The following POC5 variants were observed in gnomAD, a reference collection of about 807,000 sequenced individuals.
POC5 encodes POC5 centriolar protein.
POC5 carries 48 observed loss-of-function variants against 62.9 expected under a neutral mutation model. That is an observed-to-expected ratio of 0.76 (90% CI 0.61 to 0.97). POC5 has a LOEUF of 0.97. Ranked by LOEUF, POC5 falls within the 50% of genes least tolerant of loss-of-function variation. The pLI is 0.00. For missense variants in POC5, 696 were observed against 679.5 expected, an observed-to-expected ratio of 1.02 and a Z score of -0.27; for synonymous variants, 236 against 228.2, an observed-to-expected ratio of 1.03 and a Z score of -0.31.
rs759007593 is a variant in POC5, at chr5:75,685,442, C to T, written c.1172G>A (p.Gly391Asp). The change falls in exon 10 of 12, where the codon GGT (glycine) becomes GAT (aspartate). Residue 391 changes from glycine (G) to aspartate (D), a missense_variant. Transcript: ENST00000428202. Reference protein sequence around the residue: ...TNNKKEEYGPGVQGKEHSAHL... With the variant: ...TNNKKEEYGPDVQGKEHSAHL... The stretch of plus-strand genomic sequence containing the variant: ...AGCAGAATGTTCTTTTCCTTGAACA[C>T]CAGGACCATACTCTTCCTTTTTATT... 1 of 1,613,654 alleles carries T rather than the reference C, an allele frequency of 6.2e-7. No individual in the cohort carries two copies. Among genetic ancestry groups the T allele is most frequent in the Non-Finnish European group, 8.5e-7 (1 of 1,179,648 alleles).
At chr5:75,711,981 T>C (rs1378581141) in intron 2 of POC5, among the ~76,000 whole-genome samples, 1 of 152,208 alleles carries the variant, frequency 6.6e-6, no homozygotes, top group Non-Finnish European at 1.5e-5. Flanking sequence ...GAGGACTACA[T>C]GGGACAGGTA....
intron 10 of POC5, among the ~76,000 whole-genome samples, chr5:75,683,561 T>C (rs1775954187): frequency 6.6e-6 from 1 of 152,082 alleles, no homozygotes; most frequent in African/African-American, 2.4e-5. Flanking sequence ...TAATCACTGC[T>C]AGCTCTGCAC....
chr5:75,699,924 A>G, intron 5 of POC5, among the ~76,000 whole-genome samples: 1 of 151,872 alleles, frequency 6.6e-6, no homozygotes, highest in Non-Finnish European at 1.5e-5. Context: ...TACATCAACA[A>G]CAGACAAACA....
chr5:75,690,323 T>G, intron 8 of POC5, 60 bp downstream of exon 8: 2 of 1,409,842 alleles, frequency 1.4e-6, no homozygotes, highest in Non-Finnish European at 1.9e-6. Context: ...TAATTAATAG[T>G]GAGTCTATCT....
At chr5:75,699,268 A>C (rs1249958158) in intron 5 of POC5, among the ~76,000 whole-genome samples, 7 of 152,138 alleles carry the variant, frequency 4.6e-5, no homozygotes, top group Non-Finnish European at 1.0e-4. Context: ...ACAACCAAAA[A>C]AGAGAATTTT....
rs1157219390 is a variant in POC5, at chr5:75,694,697, C to T, written c.648G>A (p.Glu216=). The T allele has an allele frequency of 1.3e-6, 2 of 1,577,050 alleles. No individual in the cohort carries two copies. Among genetic ancestry groups the T allele is most frequent in the East Asian group, 4.6e-5 (2 of 43,758 alleles). Residue 216 remains glutamate (E), a synonymous_variant, in exon 6 of 12, where the codon GAG becomes GAA. Transcript: ENST00000428202. The part of the protein sequence containing the change: ...QLCNQINELK[E]LQKTFEISIG... Reference sequence around the variant, plus strand: ...TGGAGATTTCAAAGGTTTTTTGCAGCTCCTTCAATTCATTGATCTGATTAC... The same window carrying T: ...TGGAGATTTCAAAGGTTTTTTGCAGTTCCTTCAATTCATTGATCTGATTAC...
intron 6 of POC5, among the ~76,000 whole-genome samples, chr5:75,693,492 T>C (rs1006278053): frequency 6.6e-6 from 1 of 152,128 alleles, no homozygotes; most frequent in Non-Finnish European, 1.5e-5. Context: ...TCCACTTTAC[T>C]CATTCTCATA....
intron 4 of POC5, among the ~76,000 whole-genome samples, chr5:75,703,109 T>A (rs1299865249): frequency 6.6e-6 from 1 of 152,234 alleles, no homozygotes. Flanking sequence ...ACTATCATCA[T>A]CTGTATCATA....
chr5:75,696,078 A>C (rs111647749), intron 5 of POC5: 100 of 153,818 alleles, frequency 6.5e-4, no homozygotes, highest in Admixed American at 1.1e-3. Context: ...ACGAAGTCTC[A>C]CTGATTACTA....
chr5:75,697,359 C>T lies in POC5; in HGVS notation c.514-2528G>A, dbSNP rs558625888. Among the ~76,000 whole-genome samples, 163 of 152,090 alleles carry T rather than the reference C, an allele frequency of 1.1e-3. 2 individuals carry two copies. The East Asian group carries it at 0.029, about 27-fold the overall frequency. The stretch of plus-strand genomic sequence containing the variant: ...CCCATCAGACTAACAGCTGATCTCT[C>T]AGCAGAAACTCTACAAGCCAGAAGA... On this transcript the variant is annotated intron_variant, in intron 5 of 11. Coordinates refer to ENST00000428202, the MANE Select transcript of POC5 (RefSeq NM_001099271.2).
intron 2 of POC5, 124 bp downstream of exon 2, chr5:75,712,730 T>A: frequency 1.3e-6 from 1 of 791,876 alleles, no homozygotes; most frequent in Admixed American, 2.8e-5. Flanking sequence ...AAGTTTGATA[T>A]TATTATAAAT....
At chr5:75,684,268 A>C (rs1775992901) in intron 10 of POC5, among the ~76,000 whole-genome samples, 1 of 152,038 alleles carries the variant, frequency 6.6e-6, no homozygotes, top group African/African-American at 2.4e-5. Flanking sequence ...TTAAATATAC[A>C]TTAACCTCCC....
intron 10 of POC5, 151 bp downstream of exon 10, chr5:75,685,056 A>C: frequency 2.5e-6 from 2 of 800,866 alleles, no homozygotes; most frequent in Non-Finnish European, 3.8e-6. Flanking sequence ...TTTAGTAGAG[A>C]CGGGGTTTCA....
intron 1 of POC5, among the ~76,000 whole-genome samples, chr5:75,714,765 G>C (rs1311691182): frequency 6.6e-6 from 1 of 152,076 alleles, no homozygotes; most frequent in Non-Finnish European, 1.5e-5. Context: ...GCAGTCTGTG[G>C]TCACACTGGC....
chr5:75,708,459 AT>A (rs1270267283), intron 2 of POC5, among the ~76,000 whole-genome samples: 1 of 152,244 alleles, frequency 6.6e-6, no homozygotes, highest in African/African-American at 2.4e-5. Context: ...TTAATTGAAG[AT>A]GAGACATGCT....
chr5:75,706,743 G>A (rs1777137491), intron 3 of POC5, among the ~76,000 whole-genome samples: 1 of 151,948 alleles, frequency 6.6e-6, no homozygotes, highest in Non-Finnish European at 1.5e-5. Flanking sequence ...TAGAGCTAGG[G>A]TTTTGCTATG....
rs1232644579 is a variant in POC5, at chr5:75,714,223, T to C, written c.-14-1272A>G. On this transcript the variant is annotated intron_variant, in intron 1 of 11. Transcript: ENST00000428202. ...GGCGAAACCCTGTCTCTATTAAAAA[T>C]ACAAAACAATTAGCCGAGCCTGGTG... Among the ~76,000 whole-genome samples, 90 of 152,014 alleles carry C rather than the reference T, an allele frequency of 5.9e-4. 1 individual carries two copies. The highest frequency in any genetic ancestry group is 5.9e-3 in the Admixed American group (90 of 15,270).
chr5:75,714,960 A>G (rs187631199), intron 1 of POC5, among the ~76,000 whole-genome samples: 5 of 152,304 alleles, frequency 3.3e-5, no homozygotes, highest in Admixed American at 3.3e-4. Flanking sequence ...TAAAAAAGGA[A>G]TGTGAGAAAA....
chr5:75,691,410 A>G (rs1489298680), intron 7 of POC5, among the ~76,000 whole-genome samples: 3 of 152,206 alleles, frequency 2.0e-5, no homozygotes, highest in Non-Finnish European at 4.4e-5. Flanking sequence ...GCATGACACC[A>G]CAAGTGAAAA....
Sources: allele counts gnomAD v4.1 joint callset (sites outside exome capture counted in the v4.1 genomes callset), GRCh38; gene constraint gnomAD v4.1.1; transcripts MANE v1.5; gene names NCBI Gene and HGNC (gene_info 2026-07-23, HGNC 2026-07-21).